The following TMC8 variants were observed in gnomAD, a reference collection of about 807,000 sequenced individuals.
TMC8 encodes transmembrane channel like 8.
In TMC8, 71 loss-of-function variants were observed where a neutral mutation model predicts 76.0. The observed-to-expected ratio is 0.93, with a 90% CI of 0.77 to 1.14. TMC8 has a LOEUF of 1.14. Ranked by LOEUF, TMC8 falls within the 50% of genes most tolerant of loss-of-function variation. TMC8 has a pLI of 0.00. For missense variants in TMC8, 924 were observed against 947.9 expected (o/e 0.97, Z 0.33); for synonymous variants, 433 against 433.8 (o/e 1.00, Z 0.02).
rs1250938327 is a variant in TMC8, at chr17:78,137,721, G to A, written c.1256G>A (p.Trp419Ter). Reference protein sequence around the residue: ...YGYNVCDYQCWENSVGEELYK... With the variant: ...YGYNVCDYQC ...TCCCCTTCCCCTGCACCCCAGTGCT[G>A]GGAGAACTCCGTGGGGGAGGAGCTG... The change falls in exon 11 of 16, where the codon TGG (tryptophan) becomes TAG (stop). Residue 419 changes from tryptophan to a stop codon, truncating the protein, a stop_gained. Transcript: ENST00000318430. LOFTEE classifies it high-confidence loss of function. The A allele has an allele frequency of 6.2e-7, 1 of 1,613,392 alleles. No homozygotes were observed.
chr17:78,138,298 T>G, intron 12 of TMC8, 51 bp from the exon 13 acceptor site: 2 of 1,611,264 alleles, frequency 1.2e-6, no homozygotes, highest in Non-Finnish European at 1.7e-6. Context: ...GTCAGCCCCC[T>G]GGGGTCTGCA....
Position 78,137,325 on chromosome 17 carries a change from T to A in TMC8, c.1218T>A (p.Cys406Ter). Reference protein sequence around the residue: ...ILCIGRDKSSCESYGYNVCDY... With the variant: ...ILCIGRDKSS ...GCATTGGCAGAGACAAGAGCAGCTG[T>A]GAGTCCTACGGCTACAACGTTTGTG... Residue 406 changes from cysteine to a stop codon, truncating the protein, a stop_gained, in exon 10 of 16, where the codon TGT (cysteine) becomes TGA (stop). Transcript: ENST00000318430. LOFTEE classifies it high-confidence loss of function. 1 of 1,614,018 alleles carries A rather than the reference T, an allele frequency of 6.2e-7. No individual in the cohort carries two copies. Among genetic ancestry groups the A allele is most frequent in the East Asian group, 2.2e-5 (1 of 44,888 alleles).
At chr17:78,135,156 C>A in intron 9 of TMC8, 147 bp downstream of exon 9, 1 of 1,047,540 alleles carries the variant, frequency 9.5e-7, no homozygotes, top group Non-Finnish European at 1.4e-6. Flanking sequence ...GTACACACCT[C>A]ACAGCACACG....
chr17:78,134,276 T>A, intron 7 of TMC8, 118 bp from the exon 8 acceptor site: 1 of 1,271,738 alleles, frequency 7.9e-7, no homozygotes, highest in East Asian at 2.3e-5. Flanking sequence ...AGTGTGAGAG[T>A]TTGTGACTGT....
At chr17:78,140,702 G>T (rs906587346) in intron 15 of TMC8, 132 bp from the exon 16 acceptor site, 17 of 1,274,754 alleles carry the variant, frequency 1.3e-5, no homozygotes, top group African/African-American at 8.9e-5. Flanking sequence ...GCGTGGCCTC[G>T]GGCGGGGCGT....
intron 2 of TMC8, 32 bp downstream of exon 2, chr17:78,131,769 G>C (rs1442339576): frequency 1.3e-6 from 2 of 1,513,862 alleles, no homozygotes; most frequent in African/African-American, 3.6e-5. Context: ...GACGGTGCGT[G>C]GGGGGGGTGC....
At position 78,137,722 on chromosome 17, in the gene TMC8, G is replaced by A. The variant is rs758343676; in HGVS notation, c.1257G>A (p.Trp419Ter). Residue 419 changes from tryptophan (W) to a stop codon, truncating the protein, a stop_gained, in exon 11 of 16, where the codon TGG becomes TGA. Coordinates refer to ENST00000318430, the MANE Select transcript of TMC8 (RefSeq NM_152468.5). LOFTEE classifies it high-confidence loss of function. ...CCCCTTCCCCTGCACCCCAGTGCTG[G>A]GAGAACTCCGTGGGGGAGGAGCTGT... is the stretch of plus-strand genomic sequence containing the variant. ...YGYNVCDYQC[W>*]ENSVGEELYK... 3 of 1,613,454 alleles carry A rather than the reference G, an allele frequency of 1.9e-6. No individual in the cohort carries two copies. Among genetic ancestry groups the A allele is most frequent in the African/African-American group, 1.3e-5 (1 of 75,064 alleles).
rs1272570664 is a variant in TMC8, at chr17:78,142,224, C to T, written c.*1112C>T. ...ACAAGCTGGCCACAGCCCAGCGACT[C>T]TGATGTGGTTGGGCTGGGTGTGGCC... is the stretch of plus-strand genomic sequence containing the variant. On this transcript the variant is annotated 3_prime_UTR_variant, in exon 16 of 16. Transcript: ENST00000318430. The T allele has an allele frequency of 1.3e-5, 2 of 152,234 alleles. No homozygotes were observed. The highest frequency in any genetic ancestry group is 2.1e-4 in the South Asian group (1 of 4,836). 9.4% of individuals were successfully genotyped at this position (152,234 alleles called of 1,614,324 possible).
Position 78,138,020 on chromosome 17 carries a change from G to C in TMC8, c.1365G>C (p.Arg455=). ...ATCCCTGCAGGCTGCTGGTGGACCG[G>C]TTCTCAGGCCGGTTCTGGGCCTGGC... The part of the protein sequence containing the change: ...VTLPRRLLVD[R]FSGRFWAWLE... The change falls in exon 12 of 16, where the codon CGG becomes CGC. Residue 455 remains arginine, a synonymous_variant. Transcript: ENST00000318430. 1 of 1,613,976 alleles carries C rather than the reference G, an allele frequency of 6.2e-7. No homozygotes were observed. Among genetic ancestry groups the C allele is most frequent in the South Asian group, 1.1e-5 (1 of 91,080 alleles).
intron 15 of TMC8, among the ~76,000 whole-genome samples, 175 bp from the exon 16 acceptor site, chr17:78,140,659 G>A (rs2075351903): frequency 6.6e-6 from 1 of 150,902 alleles, no homozygotes; most frequent in Non-Finnish European, 1.5e-5. Context: ...CCCTGGTGGG[G>A]CGTGGCCCTG....
In TMC8 at chr17:78,139,173, C is replaced by T. The variant is rs201296911; in HGVS notation, c.1835C>T (p.Thr612Met). The part of the protein sequence containing the change: ...PLLIMLSLVL[T>M]VCVSQTQANA... ...CCTTCCCACCCAAGCCTTGTCCTGA[C>T]GGTGTGCGTCTCCCAGACCCAGGCC... The change falls in exon 15 of 16, where the codon ACG becomes ATG. Residue 612 changes from threonine to methionine, a missense_variant. Coordinates refer to ENST00000318430, the MANE Select transcript of TMC8 (RefSeq NM_152468.5). 2.0e-5 allele frequency: 33 copies of T among 1,613,704 alleles called. No individual in the cohort carries two copies. In the Admixed American group the frequency reaches 3.2e-4, roughly 15 times the overall value.
chr17:78,135,539 A>G (rs1380203918), intron 9 of TMC8, among the ~76,000 whole-genome samples: 1 of 152,170 alleles, frequency 6.6e-6, no homozygotes. Flanking sequence ...CCGCCGGAGC[A>G]GCTGGGACTA....
At chr17:78,134,295 G>A in intron 7 of TMC8, 99 bp from the exon 8 acceptor site, 1 of 1,387,732 alleles carries the variant, frequency 7.2e-7, no homozygotes, top group Non-Finnish European at 1.0e-6. Flanking sequence ...GTGTATGTGA[G>A]CGTGAATGGT....
chr17:78,141,314 A>G lies in TMC8; in HGVS notation c.*202A>G, dbSNP rs1567809490. On this transcript the variant is annotated 3_prime_UTR_variant, in exon 16 of 16. Coordinates refer to ENST00000318430, the MANE Select transcript of TMC8 (RefSeq NM_152468.5). ...CTATATTTTAATCTCATCCCTTTAA[A>G]ATGTCTATTTTTTATTGTGTTTTTT... 2.5e-6 allele frequency: 1 copy of G among 400,538 alleles called. No homozygotes were observed. The highest frequency in any genetic ancestry group is 3.6e-5 in the East Asian group (1 of 27,858). The allele number at this position is 400,538 out of a possible 1,614,324, so 24.8% of individuals were successfully genotyped here. A position where few individuals can be genotyped will look rare whatever the true frequency, so the allele number is the denominator to read the frequency against.
At chr17:78,137,214 T>C in intron 9 of TMC8, 21 bp from the exon 10 acceptor site, 1 of 1,613,114 alleles carries the variant, frequency 6.2e-7, no homozygotes, top group Non-Finnish European at 8.5e-7. Flanking sequence ...CCCCTCCACC[T>C]GACAAGGTCC....
intron 9 of TMC8, 183 bp from the exon 10 acceptor site, chr17:78,137,052 C>T: frequency 1.2e-6 from 1 of 833,984 alleles, no homozygotes; most frequent in East Asian, 2.9e-5. Flanking sequence ...CCATGAATCG[C>T]CTGGAGACTC....
intron 9 of TMC8, among the ~76,000 whole-genome samples, chr17:78,135,887 C>G (rs184375930): frequency 6.6e-6 from 1 of 152,174 alleles, no homozygotes; most frequent in East Asian, 1.9e-4. Context: ...AACCCTGTCT[C>G]TACTAAAAAC....
rs2075317905 is a variant in TMC8, at chr17:78,139,390, G to C, written c.1902+150G>C. 5.9e-6 allele frequency: 5 copies of C among 842,296 alleles called. No homozygotes were observed. The East Asian group carries it at 1.1e-4, about 18-fold the overall frequency. 52.2% of individuals were successfully genotyped at this position (842,296 alleles called of 1,614,324 possible). On this transcript the variant is annotated intron_variant, in intron 15 of 15. Transcript: ENST00000318430. ...TCAGGCTGAGAGTGAAGACGGGGAA[G>C]GGGAGGAAGAGAACAGCTCGGGCTC... is the stretch of plus-strand genomic sequence containing the variant.
In TMC8 at chr17:78,131,664, A is replaced by G; in HGVS notation, c.76A>G (p.Met26Val). The change falls in exon 2 of 16, where the codon ATG becomes GTG. Residue 26 changes from methionine (M) to valine (V), a missense_variant. Physicochemically the swap from Met to Val is conservative, Grantham distance 21. Coordinates refer to ENST00000318430, the MANE Select transcript of TMC8 (RefSeq NM_152468.5). ...PEPEELWEAE[M>V]ERLRGSGTPV... Reference sequence around the variant, plus strand: ...GCCGGAGGAGCTGTGGGAGGCAGAGATGGAGCGGCTGCGCGGCTCTGGGAC... The same window carrying G: ...GCCGGAGGAGCTGTGGGAGGCAGAGGTGGAGCGGCTGCGCGGCTCTGGGAC... 3 of 1,568,416 alleles carry G rather than the reference A, an allele frequency of 1.9e-6. No individual in the cohort carries two copies. The highest frequency in any genetic ancestry group is 1.3e-5 in the African/African-American group (1 of 74,170).
Sources: allele counts gnomAD v4.1 joint callset (sites outside exome capture counted in the v4.1 genomes callset), GRCh38; gene constraint gnomAD v4.1.1; transcripts MANE v1.5; gene names NCBI Gene and HGNC (gene_info 2026-07-23, HGNC 2026-07-21).